Variants in KCNJ6 observed in about 807,000 individuals in gnomAD.
The protein encoded by KCNJ6 is potassium inwardly rectifying channel subfamily J member 6.
Under a neutral mutation model 34.2 loss-of-function variants are expected in KCNJ6, and 9 were observed. The ratio of observed to expected loss-of-function variants is 0.26; its 90% CI spans 0.16 to 0.46. The LOEUF is 0.46. Ranked by LOEUF, KCNJ6 falls within the 20% of genes least tolerant of loss-of-function variation. KCNJ6 has a pLI of 1.00. For synonymous variants in KCNJ6, 196 were observed against 207.1 expected (o/e 0.95, Z 0.46); for missense variants, 236 against 531.3 (o/e 0.44, Z 5.46).
intron 3 of KCNJ6, among the ~76,000 whole-genome samples, chr21:37,641,625 AGCATTT>A (rs1481394555): frequency 6.6e-6 from 1 of 152,088 alleles, no homozygotes; most frequent in Non-Finnish European, 1.5e-5. Context: ...CAGAGGGAAC[AGCATTT>A]GCAGGGGGAA....
chr21:37,652,458 T>G (rs527436628), intron 3 of KCNJ6, among the ~76,000 whole-genome samples: 3 of 152,288 alleles, frequency 2.0e-5, no homozygotes, highest in East Asian at 1.9e-4. Flanking sequence ...AGAGCCAAGG[T>G]TGATGGAGAA....
chr21:37,655,179 T>TGTGTGTG (rs1377937886), intron 3 of KCNJ6, among the ~76,000 whole-genome samples: 8 of 23,990 alleles, frequency 3.3e-4, no homozygotes, highest in African/African-American at 1.3e-3. Flanking sequence ...CTCTAGACAT[T>TGTGTGTG]TGTGTGTGTG....
chr21:37,862,026 G>C (rs567417549), intron 1 of KCNJ6, among the ~76,000 whole-genome samples: 35 of 152,286 alleles, frequency 2.3e-4, no homozygotes, highest in South Asian at 2.1e-3. Flanking sequence ...AATCAAACAA[G>C]CCCATGTCTA....
Position 37,901,351 on chromosome 21 carries a change from C to T in KCNJ6, c.-28+14533G>A, listed in dbSNP as rs183226596. 1.0e-3 allele frequency among the ~76,000 whole-genome samples: 155 copies of T among 152,092 alleles called. 1 individual carries two copies. The Middle Eastern group carries it at 0.017, about 17-fold the overall frequency. ...CAAGTTAGGCTATACCCAAAATACA[C>T]TTTCTCTGCATTTCTATCGGTGAAA... is the stretch of plus-strand genomic sequence containing the variant. On this transcript the variant is annotated intron_variant, in intron 1 of 3. Transcript: ENST00000609713.
intron 1 of KCNJ6, among the ~76,000 whole-genome samples, chr21:37,890,436 CAA>C (rs2055756762): frequency 6.6e-6 from 1 of 152,184 alleles, no homozygotes; most frequent in Non-Finnish European, 1.5e-5. Flanking sequence ...ATCAACTTCT[CAA>C]AAGAGTTTTA....
chr21:37,615,551 C>G lies in KCNJ6; in HGVS notation c.*9608G>C, dbSNP rs527572350. The G allele has an allele frequency of 8.5e-5, 13 of 152,064 alleles. No homozygotes were observed. The highest frequency in any genetic ancestry group is 2.6e-4 in the Admixed American group (4 of 15,276). 9.4% of individuals were successfully genotyped at this position (152,064 alleles called of 1,614,324 possible). ...GTTTCAGTGGTAAATTCCACTTTACCTTTTATGCCAATATAGGGGAGTCTA... is the reference window on the plus strand; with the variant it reads ...GTTTCAGTGGTAAATTCCACTTTACGTTTTATGCCAATATAGGGGAGTCTA... On this transcript the variant is annotated 3_prime_UTR_variant, in exon 4 of 4. Coordinates refer to ENST00000609713, the MANE Select transcript of KCNJ6 (RefSeq NM_002240.5).
chr21:37,721,896 A>G (rs187963567), intron 2 of KCNJ6, among the ~76,000 whole-genome samples: 1 of 152,342 alleles, frequency 6.6e-6, no homozygotes, highest in Admixed American at 6.5e-5. Flanking sequence ...TGATGGACAA[A>G]GACTGGGATG....
chr21:37,809,662 T>A (rs764750118), intron 2 of KCNJ6, among the ~76,000 whole-genome samples: 15 of 152,294 alleles, frequency 9.8e-5, no homozygotes, highest in Non-Finnish European at 1.9e-4. Flanking sequence ...AATCTCAGTA[T>A]CTGGGATTTG....
intron 1 of KCNJ6, among the ~76,000 whole-genome samples, chr21:37,896,788 A>C (rs2055790457): frequency 6.6e-6 from 1 of 152,118 alleles, no homozygotes; most frequent in Non-Finnish European, 1.5e-5. Context: ...CAGAGAAGAC[A>C]CCCGGGCCCC....
chr21:37,717,521 C>T (rs1047298155), intron 2 of KCNJ6, among the ~76,000 whole-genome samples: 13 of 152,184 alleles, frequency 8.5e-5, no homozygotes, highest in South Asian at 2.1e-4. Context: ...TTCTCACTGC[C>T]GCTACCCCCT....
intron 2 of KCNJ6, among the ~76,000 whole-genome samples, chr21:37,730,148 T>G (rs2054876889): frequency 6.6e-6 from 1 of 152,268 alleles, no homozygotes; most frequent in Non-Finnish European, 1.5e-5. Context: ...ATTCTTCCAG[T>G]GTGGAGCTTG....
intron 1 of KCNJ6, among the ~76,000 whole-genome samples, chr21:37,893,810 C>T (rs1011561132): frequency 2.0e-5 from 3 of 152,168 alleles, no homozygotes; most frequent in Non-Finnish European, 4.4e-5. Context: ...GAATTGACTT[C>T]TAAAATACTT....
intron 2 of KCNJ6, among the ~76,000 whole-genome samples, chr21:37,775,466 G>T (rs2055137721): frequency 6.6e-6 from 1 of 152,202 alleles, no homozygotes; most frequent in Admixed American, 6.5e-5. Context: ...TTTTCTTCTA[G>T]AGTTTTTATG....
At chr21:37,824,475 G>A (rs958043649) in intron 2 of KCNJ6, among the ~76,000 whole-genome samples, 1 of 151,796 alleles carries the variant, frequency 6.6e-6, no homozygotes, top group African/African-American at 2.4e-5. Context: ...GGGGTGGGGG[G>A]CAAGTTCTCT....
chr21:37,740,272 CT>C (rs1353623504), intron 2 of KCNJ6, among the ~76,000 whole-genome samples: 2 of 152,150 alleles, frequency 1.3e-5, no homozygotes, highest in Non-Finnish European at 2.9e-5. Flanking sequence ...CTTATTATAC[CT>C]CTCTGGCATT....
At chr21:37,717,800 G>T (rs751230570) in intron 2 of KCNJ6, among the ~76,000 whole-genome samples, 5 of 152,162 alleles carry the variant, frequency 3.3e-5, no homozygotes, top group Non-Finnish European at 5.9e-5. Context: ...GGAGAAGAGG[G>T]TTTGTCAAAT....
At chr21:37,822,622 T>C (rs1434959051) in intron 2 of KCNJ6, among the ~76,000 whole-genome samples, 1 of 152,244 alleles carries the variant, frequency 6.6e-6, no homozygotes, top group East Asian at 1.9e-4. Context: ...TTGGGGTCTA[T>C]GGCTTTGTTG....
At chr21:37,657,431 G>A (rs1031924277) in intron 3 of KCNJ6, among the ~76,000 whole-genome samples, 5 of 152,180 alleles carry the variant, frequency 3.3e-5, no homozygotes, top group African/African-American at 1.2e-4. Flanking sequence ...TCAGCAGTGG[G>A]AGCCCTGGGA....
intron 1 of KCNJ6, among the ~76,000 whole-genome samples, chr21:37,898,524 G>A (rs1219479420): frequency 6.6e-6 from 1 of 151,280 alleles, no homozygotes; most frequent in Non-Finnish European, 1.5e-5. Flanking sequence ...GAAGGTTGCA[G>A]TGAGCCAAGA....
Sources: allele counts gnomAD v4.1 joint callset (sites outside exome capture counted in the v4.1 genomes callset), GRCh38; gene constraint gnomAD v4.1.1; transcripts MANE v1.5; gene names NCBI Gene and HGNC (gene_info 2026-07-23, HGNC 2026-07-21).